Variants in RASEF observed in about 807,000 individuals in gnomAD.
The protein encoded by RASEF is RAS and EF-hand domain containing.
Under a neutral mutation model 90.1 loss-of-function variants are expected in RASEF, and 68 were observed. The observed-to-expected ratio is 0.75, with a 90% CI of 0.62 to 0.92. The LOEUF is 0.92. RASEF is among the 40% of genes least tolerant of loss of function. The pLI, the probability that RASEF is intolerant of heterozygous loss-of-function variation, is 0.00. For missense variants in RASEF, 949 were observed against 937.2 expected, an observed-to-expected ratio of 1.01 and a Z score of -0.16; for synonymous variants, 331 against 345.2, an observed-to-expected ratio of 0.96 and a Z score of 0.46.
chr9:83,052,307 TC>T, intron 1 of RASEF, among the ~76,000 whole-genome samples: 1 of 138,398 alleles, frequency 7.2e-6, no homozygotes, highest in Non-Finnish European at 1.5e-5. Flanking sequence ...ATCCATTTCT[TC>T]TAGATTTTCT....
the RASEF span, among the ~76,000 whole-genome samples, chr9:83,190,385 A>G: frequency 1.2e-3 from 183 of 152,310 alleles, 1 homozygote; most frequent in East Asian, 0.032. Context: ...TGAGTTATCT[A>G]TTTCGTTCTA....
chr9:83,167,445 C>A, the RASEF span, among the ~76,000 whole-genome samples: 8 of 151,598 alleles, frequency 5.3e-5, no homozygotes, highest in African/African-American at 9.7e-5. Context: ...GAGACACCAG[C>A]ACGTTGTAAA....
chr9:83,102,074 A>G, the RASEF span, among the ~76,000 whole-genome samples: 1 of 152,122 alleles, frequency 6.6e-6, no homozygotes, highest in Non-Finnish European at 1.5e-5. Flanking sequence ...GATGGCACAA[A>G]GGTGAAAGAG....
chr9:83,001,403 AAGAATT>A (rs1282509716), intron 9 of RASEF, among the ~76,000 whole-genome samples: 12 of 152,342 alleles, frequency 7.9e-5, no homozygotes, highest in Non-Finnish European at 1.6e-4. Flanking sequence ...CTGATACAAA[AAGAATT>A]AGAGTACCTA....
At chr9:83,081,690 G>T in the RASEF span, among the ~76,000 whole-genome samples, 2 of 152,242 alleles carry the variant, frequency 1.3e-5, no homozygotes, top group South Asian at 4.1e-4. Flanking sequence ...CTTCATAACA[G>T]AGTAAATCCT....
intron 9 of RASEF, among the ~76,000 whole-genome samples, chr9:83,001,887 C>T (rs1458337045): frequency 2.0e-5 from 3 of 152,184 alleles, no homozygotes; most frequent in Admixed American, 1.3e-4. Context: ...GGAAACACCC[C>T]TCTGGGAGAC....
At chr9:83,057,265 A>G (rs1455348641) in intron 1 of RASEF, among the ~76,000 whole-genome samples, 2 of 152,224 alleles carry the variant, frequency 1.3e-5, no homozygotes, top group African/African-American at 4.8e-5. Flanking sequence ...TTGGCTGACA[A>G]TATAATCTTA....
the RASEF span, among the ~76,000 whole-genome samples, chr9:83,173,490 C>T: frequency 2.0e-5 from 3 of 151,492 alleles, no homozygotes; most frequent in Non-Finnish European, 3.0e-5. Flanking sequence ...TCACTAATTC[C>T]TTTCTTCTGC....
At chr9:83,181,201 T>C in the RASEF span, among the ~76,000 whole-genome samples, 1 of 150,418 alleles carries the variant, frequency 6.6e-6, no homozygotes, top group Non-Finnish European at 1.5e-5. Context: ...AAAAAAAAAT[T>C]TGCTGGGAAA....
the RASEF span, among the ~76,000 whole-genome samples, chr9:83,203,588 T>C: frequency 2.0e-5 from 3 of 152,114 alleles, no homozygotes; most frequent in African/African-American, 7.2e-5. Context: ...TTCCATTACA[T>C]TTTAGGTAAG....
At chr9:83,065,127 A>G (rs1220777725), upstream of RASEF, among the ~76,000 whole-genome samples, 1 of 152,164 alleles carries the variant, frequency 6.6e-6, no homozygotes, top group Admixed American at 6.5e-5. Context: ...TGTCTTGTGC[A>G]TGCATTTTTC....
At chr9:83,151,102 TG>T in the RASEF span, among the ~76,000 whole-genome samples, 6 of 140,606 alleles carry the variant, frequency 4.3e-5, no homozygotes, top group African/African-American at 2.0e-4. Flanking sequence ...AATCAAAAGT[TG>T]TTTTTTTTTT....
chr9:83,102,944 C>T, the RASEF span, among the ~76,000 whole-genome samples: 1 of 152,172 alleles, frequency 6.6e-6, no homozygotes. Flanking sequence ...GAGGGACAGT[C>T]TCTTCAGAGT....
the RASEF span, among the ~76,000 whole-genome samples, chr9:83,184,981 G>T: frequency 2.0e-5 from 3 of 152,200 alleles, no homozygotes; most frequent in Admixed American, 6.5e-5. Context: ...CCCAGGCTCT[G>T]CCCCAGACCC....
chr9:83,079,391 C>T, the RASEF span, among the ~76,000 whole-genome samples: 1 of 152,142 alleles, frequency 6.6e-6, no homozygotes, highest in African/African-American at 2.4e-5. Context: ...CTATTCTGTT[C>T]CATTGGTCTA....
chr9:83,205,760 A>C, the RASEF span, among the ~76,000 whole-genome samples: 2 of 152,230 alleles, frequency 1.3e-5, no homozygotes, highest in African/African-American at 2.4e-5. Context: ...CTAATTTCTC[A>C]GAAGATTGCC....
chr9:83,209,177 G>T, the RASEF span, among the ~76,000 whole-genome samples: 1 of 152,180 alleles, frequency 6.6e-6, no homozygotes, highest in Middle Eastern at 3.2e-3. Context: ...ATGAGGTAAC[G>T]CCTGAAGGCC....
the RASEF span, among the ~76,000 whole-genome samples, chr9:83,099,296 G>C: frequency 1.3e-5 from 2 of 152,108 alleles, no homozygotes; most frequent in African/African-American, 4.8e-5. Flanking sequence ...AAGTTAGCAT[G>C]TTTTTCTTCC....
chr9:83,215,270 C>A, the RASEF span, among the ~76,000 whole-genome samples: 1 of 152,138 alleles, frequency 6.6e-6, no homozygotes. Flanking sequence ...TGACCCGATT[C>A]TTCTGGGATG....
Sources: allele counts gnomAD v4.1 joint callset (sites outside exome capture counted in the v4.1 genomes callset), GRCh38; gene constraint gnomAD v4.1.1; transcripts MANE v1.5; gene names NCBI Gene and HGNC (gene_info 2026-07-23, HGNC 2026-07-21).